Variants in GRM7 observed in about 807,000 individuals in gnomAD.
GRM7 encodes the protein glutamate metabotropic receptor 7, also known as metabotropic glutamate receptor 7.
A neutral mutation model predicts 84.5 loss-of-function variants in GRM7; 35 were observed. The ratio of observed to expected loss-of-function variants is 0.41; its 90% CI spans 0.32 to 0.55. The LOEUF (loss-of-function observed/expected upper bound fraction) is 0.55. Ranked by LOEUF, GRM7 falls within the 20% of genes least tolerant of loss-of-function variation. The probability of loss-of-function intolerance (pLI) is 0.19; values close to 1 mark genes in which losing one functional copy is unlikely to be tolerated. For synonymous variants in GRM7, 487 were observed against 455.1 expected (o/e 1.07, Z -0.89); for missense variants, 1,003 against 1,194.6 (o/e 0.84, Z 2.36).
chr3:6,969,781 G>A (rs904308750), intron 1 of GRM7, among the ~76,000 whole-genome samples: 3 of 152,172 alleles, frequency 2.0e-5, no homozygotes, highest in Non-Finnish European at 4.4e-5. Flanking sequence ...GACAGAGAGT[G>A]GTGGTGGTTT....
intron 7 of GRM7, among the ~76,000 whole-genome samples, chr3:7,484,751 G>A (rs1183396732): frequency 6.6e-6 from 1 of 152,190 alleles, no homozygotes; most frequent in African/African-American, 2.4e-5. Flanking sequence ...CCTCTAAAAT[G>A]GTGTTGAGTG....
At chr3:6,883,632 A>T (rs1301013695) in intron 1 of GRM7, among the ~76,000 whole-genome samples, 2 of 152,238 alleles carry the variant, frequency 1.3e-5, no homozygotes, top group African/African-American at 4.8e-5. Context: ...CTTATTTATA[A>T]AGATGGCATT....
intron 9 of GRM7, among the ~76,000 whole-genome samples, chr3:7,715,784 A>G (rs1701753050): frequency 6.6e-6 from 1 of 152,192 alleles, no homozygotes; most frequent in South Asian, 2.1e-4. Flanking sequence ...TGGCATACAC[A>G]GAGAGAAATA....
At chr3:7,247,464 C>T (rs531144466) in intron 2 of GRM7, among the ~76,000 whole-genome samples, 66 of 151,620 alleles carry the variant, frequency 4.4e-4, no homozygotes, top group African/African-American at 1.4e-3. Flanking sequence ...GGACTACAGG[C>T]GGCTCACACC....
At chr3:6,981,810 G>A (rs1262414900) in intron 1 of GRM7, among the ~76,000 whole-genome samples, 1 of 152,054 alleles carries the variant, frequency 6.6e-6, no homozygotes, top group Non-Finnish European at 1.5e-5. Context: ...ATGCTGTCGA[G>A]GCTGTAGGAA....
chr3:7,308,862 G>C (rs567193608), intron 4 of GRM7, among the ~76,000 whole-genome samples: 9 of 152,126 alleles, frequency 5.9e-5, no homozygotes, highest in Non-Finnish European at 1.3e-4. Context: ...AACTTACTGG[G>C]TTATCTCAAA....
At chr3:7,568,220 C>T (rs1461185046) in intron 7 of GRM7, among the ~76,000 whole-genome samples, 2 of 151,752 alleles carry the variant, frequency 1.3e-5, no homozygotes, top group African/African-American at 2.4e-5. Flanking sequence ...TCCTTGTGTA[C>T]TCTCAATAGT....
At chr3:7,445,396 C>G (rs1697463626) in intron 5 of GRM7, among the ~76,000 whole-genome samples, 1 of 152,036 alleles carries the variant, frequency 6.6e-6, no homozygotes, top group South Asian at 2.1e-4. Context: ...TAGTACTTAT[C>G]CCAGAAGTGT....
At chr3:6,876,134 G>A (rs960263660) in intron 1 of GRM7, among the ~76,000 whole-genome samples, 8 of 152,100 alleles carry the variant, frequency 5.3e-5, no homozygotes, top group South Asian at 2.1e-4. Flanking sequence ...CGGGCATGGC[G>A]GCGGGTACCT....
chr3:7,354,121 A>G (rs180842114), intron 4 of GRM7, among the ~76,000 whole-genome samples: 1 of 152,248 alleles, frequency 6.6e-6, no homozygotes, highest in Admixed American at 6.5e-5. Context: ...CCTTTGTATA[A>G]TACTAAAAAG....
chr3:7,248,989 A>C (rs1431340795), intron 2 of GRM7, among the ~76,000 whole-genome samples: 2 of 152,198 alleles, frequency 1.3e-5, no homozygotes, highest in African/African-American at 2.4e-5. Flanking sequence ...AATATAGATC[A>C]GTAGACAGCC....
intron 5 of GRM7, among the ~76,000 whole-genome samples, chr3:7,441,250 A>G (rs1697274752): frequency 6.6e-6 from 1 of 151,962 alleles, no homozygotes; most frequent in South Asian, 2.1e-4. Context: ...GATGTTGAGC[A>G]TTTTTTTCAT....
intron 1 of GRM7, among the ~76,000 whole-genome samples, chr3:7,021,292 C>T (rs1695765864): frequency 6.6e-6 from 1 of 152,116 alleles, no homozygotes; most frequent in South Asian, 2.1e-4. Context: ...GGAGCAGAAA[C>T]AATTGATTTG....
chr3:7,227,647 TAAG>T (rs1306311185), intron 2 of GRM7, among the ~76,000 whole-genome samples: 2 of 152,188 alleles, frequency 1.3e-5, no homozygotes, highest in East Asian at 1.9e-4. Flanking sequence ...AAAAACCACA[TAAG>T]AAGAAGTCAA....
chr3:7,256,205 A>G (rs1186021029), intron 2 of GRM7, among the ~76,000 whole-genome samples: 1 of 151,958 alleles, frequency 6.6e-6, no homozygotes, highest in Non-Finnish European at 1.5e-5. Context: ...ATCACATAAC[A>G]CTTACTACCC....
Position 7,516,334 on chromosome 3 carries a change from A to G in GRM7, c.1515+54612A>G, listed in dbSNP as rs1423379232. On this transcript the variant is annotated intron_variant, in intron 7 of 9. Transcript: ENST00000357716. ...CTACTAAAAATACAAAAAATTAGCC[A>G]GGCGTGGTGGTGTGCGCCTGTAGTC... Among the ~76,000 whole-genome samples, 72 of 150,846 alleles carry G rather than the reference A, an allele frequency of 4.8e-4. No individual in the cohort carries two copies. The Middle Eastern group carries it at 0.01, about 22-fold the overall frequency.
At chr3:7,222,018 G>A (rs1031976017) in intron 2 of GRM7, among the ~76,000 whole-genome samples, 2 of 151,370 alleles carry the variant, frequency 1.3e-5, no homozygotes, top group African/African-American at 2.4e-5. Flanking sequence ...CATGTTGACC[G>A]GGCTGGTTTC....
intron 7 of GRM7, among the ~76,000 whole-genome samples, chr3:7,465,663 AG>A (rs1698433397): frequency 6.6e-6 from 1 of 152,162 alleles, no homozygotes; most frequent in Admixed American, 6.5e-5. Flanking sequence ...AAGTATTTCA[AG>A]TAAAAAGTGT....
chr3:7,150,275 T>C (rs1694244302), intron 2 of GRM7, among the ~76,000 whole-genome samples: 1 of 152,136 alleles, frequency 6.6e-6, no homozygotes, highest in South Asian at 2.1e-4. Flanking sequence ...AAATTTACTT[T>C]AGACTTAAAT....
Sources: gnomAD v4.1 joint callset for allele counts (sites outside exome capture counted in the v4.1 genomes callset) on GRCh38, gnomAD v4.1.1 for gene constraint, MANE v1.5 for transcripts, NCBI Gene and HGNC (gene_info 2026-07-23, HGNC 2026-07-21) for gene names.